Variants in CCR6 observed in about 807,000 individuals in gnomAD.
CCR6 encodes C-C motif chemokine receptor 6.
Under a neutral mutation model 3.0 loss-of-function variants are expected in CCR6, and 2 were observed. The ratio of observed to expected loss-of-function variants is 0.66; its 90% CI spans 0.27 to 2.07. CCR6 has a LOEUF of 2.07. Among genes scored for constraint, CCR6 ranks in the 30% most tolerant of loss-of-function variants. The pLI, the probability that CCR6 is intolerant of heterozygous loss-of-function variation, is 0.14. For synonymous variants in CCR6, 193 were observed against 184.3 expected (o/e 1.05, Z -0.38); for missense variants, 322 against 462.8 (o/e 0.70, Z 2.79).
In CCR6 at chr6:167,136,617, T is replaced by G. The variant is rs1181168900; in HGVS notation, c.387T>G (p.Phe129Leu). 1.2e-6 allele frequency: 2 copies of G among 1,613,864 alleles called. No individual in the cohort carries two copies. The highest frequency in any genetic ancestry group is 8.5e-7 in the Non-Finnish European group (1 of 1,179,858). Residue 129 changes from phenylalanine to leucine, a missense_variant, in exon 3 of 3, where the codon TTT (phenylalanine) becomes TTG (leucine). By Grantham distance (22) the Phe-to-Leu change is conservative. Transcript: ENST00000341935. The surrounding 1 kb of genome is among the most constrained non-coding windows in gnomAD (Gnocchi z 4.6). ...TAAAAGGCATCTATGCCATCAACTT[T>G]AACTGCGGGATGCTGCTCCTGACTT... ...KLLKGIYAIN[F>L]NCGMLLLTCI... is the part of the protein sequence containing the mutation.
intron 1 of CCR6, among the ~76,000 whole-genome samples, chr6:167,117,711 G>A (rs774571923): frequency 3.3e-5 from 5 of 152,070 alleles, no homozygotes; most frequent in Admixed American, 6.5e-5. Flanking sequence ...CACCGCGCCC[G>A]GCCTCTATTT....
chr6:167,132,892 C>CT (rs1781792866), intron 1 of CCR6, among the ~76,000 whole-genome samples: 2 of 152,140 alleles, frequency 1.3e-5, no homozygotes, highest in Non-Finnish European at 2.9e-5. Context: ...CATTGAGCGT[C>CT]TTTTTTGTGT....
chr6:167,118,801 C>A (rs1024345536), upstream of CCR6, among the ~76,000 whole-genome samples: 6 of 152,086 alleles, frequency 3.9e-5, no homozygotes, highest in Admixed American at 3.3e-4. Flanking sequence ...TATGACAACC[C>A]CAGGGCCCCT....
chr6:167,136,044 C>G lies in CCR6; in HGVS notation c.-91C>G. On this transcript the variant is annotated 5_prime_UTR_variant, in exon 2 of 3. Transcript: ENST00000341935. This position sits in a 1 kb window ranked among gnomAD's most constrained non-coding sequence, Gnocchi z 4.6. ...TGCCTTCTTTCCTTCTTAGAGTCAC[C>G]TCTACTTTCCTGCTACCGCTGCCTG... The G allele has an allele frequency of 6.9e-7, 1 of 1,453,114 alleles. No individual in the cohort carries two copies. The highest frequency in any genetic ancestry group is 1.3e-5 in the South Asian group (1 of 78,746). The allele number at this position is 1,453,114 out of a possible 1,614,324, so 90.0% of individuals were successfully genotyped here. A position where few individuals can be genotyped will look rare whatever the true frequency, so the allele number is the denominator to read the frequency against.
chr6:167,122,855 G>T (rs17860846), upstream of CCR6: 585 of 152,472 alleles, frequency 3.8e-3, 4 homozygotes, highest in Non-Finnish European at 6.6e-3. The surrounding 1 kb of genome is among the most constrained non-coding windows in gnomAD (Gnocchi z 4.2). Flanking sequence ...GAAAGTTTGG[G>T]TACAAACTCA....
intron 1 of CCR6, among the ~76,000 whole-genome samples, chr6:167,134,614 G>A (rs1174611592): frequency 4.6e-5 from 7 of 152,324 alleles, no homozygotes; most frequent in Middle Eastern, 3.4e-3. Context: ...CAGTATCCAC[G>A]TGGACTCGTA....
intron 1 of CCR6, among the ~76,000 whole-genome samples, chr6:167,123,938 C>T (rs1781626995): frequency 6.6e-6 from 1 of 152,134 alleles, no homozygotes; most frequent in African/African-American, 2.4e-5. Flanking sequence ...ATGGTAAAAT[C>T]CCGTCTCTAC....
chr6:167,127,445 T>C (rs2114924115), intron 1 of CCR6: 1 of 152,332 alleles, frequency 6.6e-6, no homozygotes. Context: ...AGAAATCATT[T>C]CCCACCCCTG....
intron 1 of CCR6, chr6:167,127,395 T>C (rs1781686408): frequency 6.6e-6 from 1 of 152,202 alleles, no homozygotes; most frequent in Non-Finnish European, 1.5e-5. Context: ...GGGAAGGATG[T>C]AGTTAGCATC....
intron 1 of CCR6, among the ~76,000 whole-genome samples, chr6:167,131,000 T>TC (rs1562559693): frequency 1.7e-5 from 2 of 117,116 alleles, no homozygotes. Context: ...CCCCCTCCCT[T>TC]TGGGACCCCT....
chr6:167,120,593 CT>C (rs765817553), upstream of CCR6, among the ~76,000 whole-genome samples: 1 of 152,144 alleles, frequency 6.6e-6, no homozygotes, highest in Non-Finnish European at 1.5e-5. Context: ...AGGCAGATGG[CT>C]TTCCTAGAAA....
intron 1 of CCR6, among the ~76,000 whole-genome samples, chr6:167,112,439 C>T (rs1182308362): frequency 6.6e-6 from 1 of 152,050 alleles, no homozygotes; most frequent in African/African-American, 2.4e-5. Flanking sequence ...GACTAGCACT[C>T]GAGAAAGAAG....
intron 1 of CCR6, chr6:167,126,167 C>G (rs3093019): frequency 0.44 from 67,242 of 151,974 alleles, 16,380 homozygotes; most frequent in Admixed American, 0.57. Context: ...GGCCACTGCA[C>G]TATAGCCTGG....
chr6:167,135,890 C>T (rs1024029699), intron 1 of CCR6, 148 bp from the exon 2 acceptor site: 22 of 496,856 alleles, frequency 4.4e-5, no homozygotes, highest in South Asian at 1.2e-4. Context: ...AAAGAGGTTG[C>T]TGATGCCTAT....
intron 1 of CCR6, among the ~76,000 whole-genome samples, chr6:167,131,005 A>C (rs532363116): frequency 0.017 from 793 of 47,518 alleles, 12 homozygotes; most frequent in Middle Eastern, 0.092. Context: ...TCCCTTTGGG[A>C]CCCCTCCTTC....
chr6:167,136,313 C>T lies in CCR6; in HGVS notation c.83C>T (p.Ser28Leu), dbSNP rs1781849390. 6.2e-7 allele frequency: 1 copy of T among 1,613,422 alleles called. No homozygotes were observed. Among genetic ancestry groups the T allele is most frequent in the Non-Finnish European group, 8.5e-7 (1 of 1,179,830 alleles). ...YFVSVNTSYYSVDSEMLLCSL... is the reference protein window; with the variant it reads ...YFVSVNTSYYLVDSEMLLCSL... Reference sequence around the variant, plus strand: ...GTGTCAGTCAATACTTCATATTACTCAGTTGATTCTGAGATGTTACTGTGC... The same window carrying T: ...GTGTCAGTCAATACTTCATATTACTTAGTTGATTCTGAGATGTTACTGTGC... The change falls in exon 3 of 3, where the codon TCA (serine) becomes TTA (leucine). Residue 28 changes from serine to leucine, a missense_variant. Coordinates refer to ENST00000341935, the MANE Select transcript of CCR6 (RefSeq NM_031409.4). This position sits in a 1 kb window ranked among gnomAD's most constrained non-coding sequence, Gnocchi z 4.6.
upstream of CCR6, among the ~76,000 whole-genome samples, chr6:167,117,992 A>T (rs1582991533): frequency 6.8e-6 from 1 of 146,334 alleles, no homozygotes; most frequent in Middle Eastern, 3.5e-3. Flanking sequence ...ATATTTTAGG[A>T]CCTATCCTCT....
upstream of CCR6, among the ~76,000 whole-genome samples, chr6:167,122,004 G>T (rs1781595935): frequency 6.6e-6 from 1 of 152,172 alleles, no homozygotes; most frequent in African/African-American, 2.4e-5. The surrounding 1 kb of genome is among the most constrained non-coding windows in gnomAD (Gnocchi z 4.2). Flanking sequence ...GTGTCTAGCT[G>T]GTTCCCCAGA....
intron 1 of CCR6, among the ~76,000 whole-genome samples, chr6:167,125,851 A>G (rs76041525): frequency 1.4e-4 from 22 of 152,046 alleles, no homozygotes; most frequent in African/African-American, 5.3e-4. Flanking sequence ...TAAAAATTGC[A>G]AAAAAAATTG....
Sources: allele counts gnomAD v4.1 joint callset (sites outside exome capture counted in the v4.1 genomes callset), GRCh38; gene constraint gnomAD v4.1.1; non-coding constraint Gnocchi (gnomAD v3.1); transcripts MANE v1.5; gene names NCBI Gene and HGNC (gene_info 2026-07-23, HGNC 2026-07-21).